SPATA21: variants seen among roughly 807,000 people sequenced by gnomAD.
The protein encoded by SPATA21 is spermatogenesis-associated protein 21.
A neutral mutation model predicts 54.8 loss-of-function variants in SPATA21; 47 were observed. The observed-to-expected ratio is 0.86, with a 90% CI of 0.68 to 1.09. The LOEUF (loss-of-function observed/expected upper bound fraction) is 1.09, where lower values mean the gene tolerates loss of function less well. Among genes scored for constraint, SPATA21 ranks in the 50% least tolerant of loss-of-function variants. The probability of loss-of-function intolerance (pLI) is 0.00; values close to 1 mark genes in which losing one functional copy is unlikely to be tolerated. For synonymous variants in SPATA21, 245 were observed against 235.3 expected, an observed-to-expected ratio of 1.04 and a Z score of -0.38; for missense variants, 599 against 596.4, an observed-to-expected ratio of 1.00 and a Z score of -0.05.
chr1:16,403,487 TTTTTC>T (rs780302535), intron 10 of SPATA21, among the ~76,000 whole-genome samples: 1 of 102,166 alleles, frequency 9.8e-6, no homozygotes. Flanking sequence ...TTTTTTCTTT[TTTTTC>T]TTTTTTTTTT....
At chr1:16,413,300 A>C (rs550130839) in intron 5 of SPATA21, among the ~76,000 whole-genome samples, 2 of 152,214 alleles carry the variant, frequency 1.3e-5, no homozygotes, top group Non-Finnish European at 1.5e-5. Context: ...TATTTCACTT[A>C]GCATAACATC....
intron 10 of SPATA21, 130 bp from the exon 11 acceptor site, chr1:16,401,022 G>C: frequency 9.0e-7 from 1 of 1,108,478 alleles, no homozygotes; most frequent in Non-Finnish European, 1.3e-6. Context: ...CTGGCTTCTA[G>C]TCTCAGCTCA....
chr1:16,403,577 C>T, intron 10 of SPATA21, 150 bp downstream of exon 10: 1 of 692,308 alleles, frequency 1.4e-6, no homozygotes, highest in Admixed American at 1.9e-5. Flanking sequence ...CAACCTCCAC[C>T]TCCTGGGTTC....
chr1:16,399,654 T>A, intron 11 of SPATA21, 133 bp from the exon 12 acceptor site: 1 of 1,006,992 alleles, frequency 9.9e-7, no homozygotes, highest in Non-Finnish European at 1.4e-6. Flanking sequence ...TTAACCTCTC[T>A]AAGCTTCTGA....
rs1269027888 is a variant in SPATA21, at chr1:16,409,523, A to G, written c.587+78T>C. ...CACGAGGGAACAGGCAGGTGCAGGG[A>G]CAGGGACCTGCATCCGGGACAAGGC... On this transcript the variant is annotated intron_variant, in intron 6 of 12. Coordinates refer to ENST00000335496, the MANE Select transcript of SPATA21 (RefSeq NM_198546.1). The surrounding 1 kb of genome is among the most constrained non-coding windows in gnomAD (Gnocchi z 4.1). 7 of 1,435,228 alleles carry G rather than the reference A, an allele frequency of 4.9e-6. No individual in the cohort carries two copies. Among genetic ancestry groups the G allele is most frequent in the Non-Finnish European group, 5.7e-6 (6 of 1,058,844 alleles). 88.9% of individuals were successfully genotyped at this position (1,435,228 alleles called of 1,614,324 possible). A position where few individuals can be genotyped will look rare whatever the true frequency, so the allele number is the denominator to read the frequency against.
intron 3 of SPATA21, among the ~76,000 whole-genome samples, chr1:16,427,373 A>G (rs895368234): frequency 2.0e-5 from 3 of 151,980 alleles, no homozygotes; most frequent in East Asian, 3.9e-4. Flanking sequence ...TACTATTTCT[A>G]TTATCCCAGC....
At chr1:16,418,136 T>C (rs952429972) in intron 5 of SPATA21, among the ~76,000 whole-genome samples, 11 of 152,224 alleles carry the variant, frequency 7.2e-5, no homozygotes, top group Admixed American at 2.6e-4. Flanking sequence ...ACACTCAGTA[T>C]GTACTTGCAG....
chr1:16,400,945 C>T, intron 10 of SPATA21, 53 bp from the exon 11 acceptor site: 2 of 1,576,244 alleles, frequency 1.3e-6, no homozygotes, highest in South Asian at 1.2e-5. Flanking sequence ...ATTCACCCTT[C>T]TCCTCCTCAG....
intron 1 of SPATA21, among the ~76,000 whole-genome samples, chr1:16,433,754 T>C (rs1162033112): frequency 6.6e-6 from 1 of 152,122 alleles, no homozygotes; most frequent in East Asian, 1.9e-4. Context: ...GCAGAGGGGC[T>C]TGGAATCCAA....
At chr1:16,406,900 C>G (rs1381692178) in intron 7 of SPATA21, among the ~76,000 whole-genome samples, 1 of 152,222 alleles carries the variant, frequency 6.6e-6, no homozygotes, top group Admixed American at 6.5e-5. Context: ...ACCCCCTGAT[C>G]TTGGACTTCC....
At chr1:16,405,508 A>C (rs747643374) in intron 7 of SPATA21, among the ~76,000 whole-genome samples, 4 of 150,170 alleles carry the variant, frequency 2.7e-5, no homozygotes, top group Non-Finnish European at 6.0e-5. Context: ...AAAAAAAAAA[A>C]AAAAAAACTG....
chr1:16,431,472 C>T (rs1183826931), intron 2 of SPATA21, 50 bp from the exon 3 acceptor site: 2 of 1,540,792 alleles, frequency 1.3e-6, no homozygotes, highest in African/African-American at 2.7e-5. Flanking sequence ...CACCTAACTG[C>T]TGCTTCAGGA....
At chr1:16,416,776 C>T (rs2086020203) in intron 5 of SPATA21, among the ~76,000 whole-genome samples, 2 of 152,116 alleles carry the variant, frequency 1.3e-5, no homozygotes, top group South Asian at 4.1e-4. Flanking sequence ...CCCCTGAGCC[C>T]CAGAAATAGG....
At chr1:16,397,008 G>A (rs922945123), downstream of SPATA21, 1 of 152,312 alleles carries the variant, frequency 6.6e-6, no homozygotes, top group Non-Finnish European at 1.5e-5. The surrounding 1 kb of genome is among the most constrained non-coding windows in gnomAD (Gnocchi z 5.4). Context: ...CATTCTAAAT[G>A]TGTAGTGTCC....
chr1:16,414,681 G>A (rs2085946834), intron 5 of SPATA21, among the ~76,000 whole-genome samples: 1 of 151,868 alleles, frequency 6.6e-6, no homozygotes, highest in African/African-American at 2.4e-5. Flanking sequence ...GATCACCTGA[G>A]GTTGGGAGTT....
chr1:16,405,223 T>C, intron 7 of SPATA21, 119 bp from the exon 8 acceptor site: 1 of 1,394,674 alleles, frequency 7.2e-7, no homozygotes, highest in Non-Finnish European at 9.5e-7. Flanking sequence ...ATAAAATTGC[T>C]GGGTGCGTTG....
intron 7 of SPATA21, among the ~76,000 whole-genome samples, chr1:16,408,262 AG>A (rs1443020374): frequency 6.6e-6 from 1 of 152,216 alleles, no homozygotes; most frequent in Non-Finnish European, 1.5e-5. Context: ...GTGGGGTCAC[AG>A]GGCCCCTTCC....
chr1:16,421,806 C>T lies in SPATA21; in HGVS notation c.95+105G>A. ...CAGCGGAGCATGACTTGCCCAAGGTCCTCTACCAGGTCAGGAGCAGTCTGG... is the reference window on the plus strand; with the variant it reads ...CAGCGGAGCATGACTTGCCCAAGGTTCTCTACCAGGTCAGGAGCAGTCTGG... On this transcript the variant is annotated intron_variant, in intron 4 of 12. Transcript: ENST00000335496. The surrounding 1 kb of genome is among the most constrained non-coding windows in gnomAD (Gnocchi z 5.2). The T allele has an allele frequency of 6.5e-7, 1 of 1,546,862 alleles. No homozygotes were observed.
At chr1:16,402,472 A>C (rs553834235) in intron 10 of SPATA21, among the ~76,000 whole-genome samples, 1 of 151,374 alleles carries the variant, frequency 6.6e-6, no homozygotes, top group Admixed American at 6.6e-5. Flanking sequence ...CATGTTAGCC[A>C]GGATGCTCTC....
Sources: gnomAD v4.1 joint callset for allele counts (sites outside exome capture counted in the v4.1 genomes callset) on GRCh38, gnomAD v4.1.1 for gene constraint, Gnocchi (gnomAD v3.1) non-coding constraint, MANE v1.5 for transcripts, NCBI Gene and HGNC (gene_info 2026-07-23, HGNC 2026-07-21) for gene names.